DEFB134: variants seen among roughly 807,000 people sequenced by gnomAD.
DEFB134 encodes the protein beta-defensin 134.
A neutral mutation model predicts 7.4 loss-of-function variants in DEFB134; 7 were observed. The observed-to-expected ratio is 0.95, with a 90% CI of 0.54 to 1.79. The LOEUF is 1.79. Among genes scored for constraint, DEFB134 ranks in the 40% most tolerant of loss-of-function variants. DEFB134 has a pLI of 0.00. For missense variants in DEFB134, 105 were observed against 74.8 expected, an observed-to-expected ratio of 1.40 and a Z score of -1.49; for synonymous variants, 33 against 25.0, an observed-to-expected ratio of 1.32 and a Z score of -0.96.
At chr8:12,000,081 A>G (rs1800232053), upstream of DEFB134, among the ~76,000 whole-genome samples, 1 of 152,236 alleles carries the variant, frequency 6.6e-6, no homozygotes, top group Non-Finnish European at 1.5e-5. Context: ...ACCCTGAGCC[A>G]TACAGATTCA....
At chr8:11,999,737 G>A (rs1221739991), upstream of DEFB134, among the ~76,000 whole-genome samples, 1 of 152,182 alleles carries the variant, frequency 6.6e-6, no homozygotes, top group Admixed American at 6.6e-5. Context: ...TCAGCGTCTG[G>A]TTCACTGTAG....
At chr8:11,995,951 G>C (rs1800107061) in intron 1 of DEFB134, among the ~76,000 whole-genome samples, 1 of 111,252 alleles carries the variant, frequency 9.0e-6, no homozygotes, top group South Asian at 2.5e-4. Flanking sequence ...GTGCGGATCA[G>C]TTCAGCCAAA....
exon 2 of DEFB134, chr8:11,994,005 C>T (rs146636332): frequency 8.6e-5 from 138 of 1,613,704 alleles, no homozygotes; most frequent in Admixed American, 1.2e-4. Flanking sequence ...TCCTTTGACA[C>T]AGCACTCCAG....
chr8:11,998,856 A>T (rs1800194800), upstream of DEFB134, among the ~76,000 whole-genome samples: 1 of 152,202 alleles, frequency 6.6e-6, no homozygotes, highest in Non-Finnish European at 1.5e-5. Flanking sequence ...AGAGGATATT[A>T]CCACTGACCC....
At position 11,994,105 on chromosome 8, in the gene DEFB134, AT is replaced by A. The variant is rs774435278; in HGVS notation, c.75del (p.Ser26GlnfsTer23). 1 of 1,612,258 alleles carries A rather than the reference AT, an allele frequency of 6.2e-7. No homozygotes were observed. The highest frequency in any genetic ancestry group is 1.7e-5 in the Admixed American group (1 of 59,640). ...TTATAGCATTTCTTGTGCATTTCTG[AT>A]GATAATGAATTTATACCTGGAAGGA... On this transcript the variant is annotated frameshift_variant, in exon 2 of 2. Coordinates refer to ENST00000526438, the Ensembl canonical transcript of DEFB134. LOFTEE classifies it high-confidence loss of function.
upstream of DEFB134, chr8:11,999,165 G>T: frequency 5.6e-6 from 1 of 180,146 alleles, no homozygotes; most frequent in Non-Finnish European, 1.3e-5. Context: ...GGGGTGCCTG[G>T]TCATATCATG....
chr8:11,996,346 C>T (rs1209796495), upstream of DEFB134: 2 of 1,391,268 alleles, frequency 1.4e-6, no homozygotes, highest in Admixed American at 3.5e-5. Flanking sequence ...CCTATACAAA[C>T]CTCTCAGGGC....
At chr8:11,994,723 TACTC>T (rs1800071533) in intron 1 of DEFB134, among the ~76,000 whole-genome samples, 1 of 152,240 alleles carries the variant, frequency 6.6e-6, no homozygotes, top group Admixed American at 6.5e-5. Flanking sequence ...AATAATTACT[TACTC>T]ATTATTATTC....
At chr8:11,995,849 T>C (rs1031783226) in intron 1 of DEFB134, among the ~76,000 whole-genome samples, 2 of 152,080 alleles carry the variant, frequency 1.3e-5, no homozygotes, top group African/African-American at 4.8e-5. Context: ...ATATTATGTA[T>C]GGACATATTC....
exon 2 of DEFB134, chr8:11,994,007 G>A (rs777049788): frequency 8.1e-6 from 13 of 1,613,670 alleles, no homozygotes; most frequent in Admixed American, 1.7e-5. Context: ...CTTTGACACA[G>A]CACTCCAGCT....
At chr8:11,994,101 T>C (rs1467890395) in exon 2 of DEFB134, 1 of 1,612,770 alleles carries the variant, frequency 6.2e-7, no homozygotes, top group Non-Finnish European at 8.5e-7. Context: ...CTTGTGCATT[T>C]CTGATGATAA....
chr8:11,994,238 A>G lies in DEFB134; in HGVS notation c.59-116T>C, dbSNP rs74585734. The stretch of plus-strand genomic sequence containing the variant: ...CAAGGAGATTTGGTTATGATAATTG[A>G]TCCTGTAACTGAAAAAATTAATTAG... On this transcript the variant is annotated intron_variant, in intron 1 of 1. Coordinates refer to ENST00000526438, the Ensembl canonical transcript of DEFB134. 9,087 of 1,276,666 alleles carry G rather than the reference A, an allele frequency of 7.1e-3. 467 individuals are homozygous for G. The African/African-American group carries it at 0.12, about 16-fold the overall frequency. 79.1% of individuals were successfully genotyped at this position (1,276,666 alleles called of 1,614,324 possible).
upstream of DEFB134, among the ~76,000 whole-genome samples, chr8:12,000,128 G>T (rs1312889529): frequency 2.0e-5 from 3 of 152,236 alleles, no homozygotes; most frequent in African/African-American, 7.2e-5. Context: ...CTAATAAACA[G>T]AAATGTATTC....
exon 2 of DEFB134, chr8:11,993,959 G>T (rs889930751): frequency 1.2e-6 from 2 of 1,608,902 alleles, no homozygotes; most frequent in Admixed American, 3.4e-5. Flanking sequence ...CAGGATAGTG[G>T]CCATTCATTG....
upstream of DEFB134, chr8:11,996,461 T>G (rs751095840): frequency 2.2e-5 from 10 of 446,980 alleles, 1 homozygote; most frequent in Non-Finnish European, 4.0e-5. Flanking sequence ...CCTTTCTTGT[T>G]TGACAGCTTT....
At chr8:11,996,662 G>C (rs780393000), upstream of DEFB134, among the ~76,000 whole-genome samples, 8 of 152,180 alleles carry the variant, frequency 5.3e-5, no homozygotes, top group Admixed American at 3.3e-4. Context: ...ACAAGTTACA[G>C]ATGAACTGCT....
chr8:11,999,718 TC>T (rs1800222074), upstream of DEFB134, among the ~76,000 whole-genome samples: 1 of 152,172 alleles, frequency 6.6e-6, no homozygotes, highest in South Asian at 2.1e-4. Flanking sequence ...TATCTAGACC[TC>T]CCCTGGCTCA....
intron 1 of DEFB134, among the ~76,000 whole-genome samples, chr8:11,994,775 G>A (rs1336580630): frequency 2.0e-5 from 3 of 152,180 alleles, no homozygotes; most frequent in African/African-American, 7.2e-5. Flanking sequence ...ATCAAGGACT[G>A]TTGGGGTACA....
At chr8:11,998,761 TTAA>T (rs995067854), upstream of DEFB134, among the ~76,000 whole-genome samples, 7 of 151,896 alleles carry the variant, frequency 4.6e-5, no homozygotes, top group Non-Finnish European at 8.8e-5. Flanking sequence ...AGTTGGCTCT[TTAA>T]AAGAATGAAT....
Sources: gnomAD v4.1 joint callset for allele counts (sites outside exome capture counted in the v4.1 genomes callset) on GRCh38, gnomAD v4.1.1 for gene constraint, MANE v1.5 for transcripts, NCBI Gene and HGNC (gene_info 2026-07-23, HGNC 2026-07-21) for gene names.